The following SHOC1 variants were observed in gnomAD, a reference collection of about 807,000 sequenced individuals.
SHOC1 encodes the protein shortage in chiasmata 1, also known as protein shortage in chiasmata 1 ortholog.
A neutral mutation model predicts 179.2 loss-of-function variants in SHOC1; 136 were observed. The ratio of observed to expected loss-of-function variants is 0.76; its 90% CI spans 0.66 to 0.87. The LOEUF is 0.87. Ranked by LOEUF, SHOC1 falls within the 40% of genes least tolerant of loss-of-function variation. The pLI is 0.00. For missense variants in SHOC1, 1,538 were observed against 1,700.8 expected, an observed-to-expected ratio of 0.90 and a Z score of 1.68; for synonymous variants, 489 against 586.6, an observed-to-expected ratio of 0.83 and a Z score of 2.41.
chr9:111,698,717 G>A (rs566577981), intron 24 of SHOC1, among the ~76,000 whole-genome samples: 8 of 152,272 alleles, frequency 5.3e-5, no homozygotes, highest in East Asian at 1.9e-4. Context: ...TAAGAGAATC[G>A]GGGAATAGTA....
intron 14 of SHOC1, among the ~76,000 whole-genome samples, chr9:111,723,253 G>T (rs1053523318): frequency 6.6e-6 from 1 of 152,196 alleles, no homozygotes; most frequent in Non-Finnish European, 1.5e-5. Context: ...ATTATTTAAA[G>T]ATTTGCATAA....
intron 13 of SHOC1, among the ~76,000 whole-genome samples, chr9:111,726,454 G>A (rs1833294454): frequency 6.6e-6 from 1 of 152,188 alleles, no homozygotes; most frequent in East Asian, 1.9e-4. Flanking sequence ...TTAGAGATGC[G>A]GTCTCATTAT....
In SHOC1 at chr9:111,692,129, G is replaced by GAGTT; in HGVS notation, c.3844_3847dup (p.Ser1283Ter). ...CTCTGAATCACTGTGGTTTAGAAAG[G>GAGTT]AGTTATAAGCCGGTCTCCTTGATTC... On this transcript the variant is annotated stop_gained and frameshift_variant, in exon 27 of 28. Transcript: ENST00000682961. LOFTEE classifies it high-confidence loss of function. 1 of 1,613,646 alleles carries GAGTT rather than the reference G, an allele frequency of 6.2e-7. No individual in the cohort carries two copies. The highest frequency in any genetic ancestry group is 1.1e-5 in the South Asian group (1 of 91,020).
chr9:111,694,386 A>G, intron 24 of SHOC1, 24 bp from the exon 25 acceptor site: 1 of 1,549,280 alleles, frequency 6.5e-7, no homozygotes, highest in Non-Finnish European at 8.8e-7. Context: ...TTTATGTTAG[A>G]TTATAGGAAA....
chr9:111,704,359 A>C (rs1832145564), intron 21 of SHOC1, among the ~76,000 whole-genome samples: 1 of 152,178 alleles, frequency 6.6e-6, no homozygotes, highest in Non-Finnish European at 1.5e-5. Context: ...AAAATGGCTT[A>C]CATTTTAAGC....
intron 8 of SHOC1, among the ~76,000 whole-genome samples, 155 bp downstream of exon 8, chr9:111,756,170 A>G (rs1477504672): frequency 1.3e-5 from 2 of 152,172 alleles, no homozygotes; most frequent in Admixed American, 1.3e-4. Flanking sequence ...TGAGAAAATA[A>G]TCTCATCAAA....
At chr9:111,790,330 C>G (rs949965760) in intron 2 of SHOC1, among the ~76,000 whole-genome samples, 2 of 152,076 alleles carry the variant, frequency 1.3e-5, no homozygotes, top group Non-Finnish European at 2.9e-5. Flanking sequence ...ATCAGAAGGG[C>G]AAAGTATCTG....
rs769266659 is a variant in SHOC1 at position 111,769,986 on chromosome 9, GT to G, written c.442+5804del. On this transcript the variant is annotated intron_variant, in intron 5 of 27. Coordinates refer to ENST00000682961, the MANE Select transcript of SHOC1 (RefSeq NM_001378211.1). Reference sequence around the variant, plus strand: ...AGGTTTTATCTTCTGTTTTTTTTTTGTTTTTTTTTTTTTTTTTTTTTTAGTC... The same window carrying G: ...AGGTTTTATCTTCTGTTTTTTTTTTGTTTTTTTTTTTTTTTTTTTTTAGTC... 1.7e-4 allele frequency among the ~76,000 whole-genome samples: 13 copies of G among 77,632 alleles called. 1 individual carries two copies. Among genetic ancestry groups the G allele is most frequent in the African/African-American group, 4.6e-4 (7 of 15,212 alleles). The allele number at this position is 77,632 out of a possible 152,430, so 50.9% of individuals were successfully genotyped here.
Position 111,700,066 on chromosome 9 carries a change from C to A in SHOC1, c.3090-19G>T. 2.4e-5 allele frequency: 28 copies of A among 1,146,368 alleles called. No homozygotes were observed. Among genetic ancestry groups the A allele is most frequent in the Non-Finnish European group, 3.3e-5 (26 of 777,082 alleles). 71.0% of individuals were successfully genotyped at this position (1,146,368 alleles called of 1,614,324 possible). A position where few individuals can be genotyped will look rare whatever the true frequency, so the allele number is the denominator to read the frequency against. ...CAGATACCTACAAAGAATTATATTA[C>A]TATATTTCTATTCATTTGATATCAG... On this transcript the variant is annotated intron_variant, in intron 23 of 27. Transcript: ENST00000682961.
In SHOC1 at chr9:111,686,843, A is replaced by C. The variant is rs1427625062; in HGVS notation, c.4454T>G (p.Phe1485Cys). Reference sequence around the variant, plus strand: ...TTCATATGCTAGACGTCGTTTTTTGAATTGTGGTAGTTGTGAGCACATAAA... The same window carrying C: ...TTCATATGCTAGACGTCGTTTTTTGCATTGTGGTAGTTGTGAGCACATAAA... ...TGFMCSQLPQ[F>C]KKRRLAYEKV... Residue 1485 changes from phenylalanine to cysteine, a missense_variant, in exon 28 of 28, where the codon TTC becomes TGC. Phe to Cys is a radical substitution (Grantham distance 205). Coordinates refer to ENST00000682961, the MANE Select transcript of SHOC1 (RefSeq NM_001378211.1). 1.9e-6 allele frequency: 3 copies of C among 1,612,948 alleles called. No homozygotes were observed. The South Asian group carries it at 3.3e-5, about 18-fold the overall frequency.
chr9:111,707,847 A>G lies in SHOC1; in HGVS notation c.2558+8T>C, dbSNP rs12683681. ...TTGTTCCTCACAGATGAAGGAATGA[A>G]TTTTTACCCCCTTAAAACACCTTCA... On this transcript the variant is annotated splice_region_variant and intron_variant, in intron 19 of 27. Transcript: ENST00000682961. 0.043 allele frequency: 66,453 copies of G among 1,550,706 alleles called. 2,019 individuals are homozygous for G. The highest frequency in any genetic ancestry group is 0.13 in the East Asian group (5,540 of 42,922).
chr9:111,718,054 G>T, intron 16 of SHOC1, 130 bp downstream of exon 16: 1 of 560,224 alleles, frequency 1.8e-6, no homozygotes, highest in Non-Finnish European at 3.0e-6. Context: ...CAAAATGTAT[G>T]TAATGCTTAG....
intron 5 of SHOC1, among the ~76,000 whole-genome samples, chr9:111,775,078 C>T (rs1835779168): frequency 6.6e-6 from 1 of 151,994 alleles, no homozygotes; most frequent in African/African-American, 2.4e-5. Context: ...TCACTGTAAC[C>T]TCCGTCCCCT....
In SHOC1 at chr9:111,692,504, C is replaced by A; in HGVS notation, c.3473G>T (p.Cys1158Phe). The change falls in exon 27 of 28, where the codon TGT (cysteine) becomes TTT (phenylalanine). Residue 1158 changes from cysteine to phenylalanine, a missense_variant. Transcript: ENST00000682961. ...EVPEKVLKHF[C>F]SITSLFKIGS... ...AATCTTGAATAGGGAAGTGATGCTACAAAAATGCTAAAAAATGAATTAATA... is the reference window on the plus strand; with the variant it reads ...AATCTTGAATAGGGAAGTGATGCTAAAAAAATGCTAAAAAATGAATTAATA... 6.5e-7 allele frequency: 1 copy of A among 1,550,126 alleles called. No individual in the cohort carries two copies. The highest frequency in any genetic ancestry group is 1.2e-5 in the South Asian group (1 of 82,596).
At chr9:111,712,907 A>T (rs1832619630) in intron 18 of SHOC1, among the ~76,000 whole-genome samples, 193 bp downstream of exon 18, 1 of 152,308 alleles carries the variant, frequency 6.6e-6, no homozygotes, top group Admixed American at 6.5e-5. Flanking sequence ...AACACCTTGT[A>T]GTGTATTTGT....
chr9:111,695,267 G>C (rs1413009385), intron 24 of SHOC1, among the ~76,000 whole-genome samples: 1 of 151,998 alleles, frequency 6.6e-6, no homozygotes, highest in East Asian at 1.9e-4. Flanking sequence ...GTAAACTGTA[G>C]AAATCTCACA....
chr9:111,746,220 T>C lies in SHOC1; in HGVS notation c.1079+14A>G. Reference sequence around the variant, plus strand: ...TGAATTGCAACATGGGTTCTAGATATAATCTTTACTTACATTTTACAAACC... The same window carrying C: ...TGAATTGCAACATGGGTTCTAGATACAATCTTTACTTACATTTTACAAACC... On this transcript the variant is annotated intron_variant, in intron 10 of 27. Transcript: ENST00000682961. 1 of 1,506,142 alleles carries C rather than the reference T, an allele frequency of 6.6e-7. No individual in the cohort carries two copies. The highest frequency in any genetic ancestry group is 9.2e-7 in the Non-Finnish European group (1 of 1,082,732). The allele number at this position is 1,506,142 out of a possible 1,614,324, so 93.3% of individuals were successfully genotyped here. A position where few individuals can be genotyped will look rare whatever the true frequency, so the allele number is the denominator to read the frequency against.
intron 5 of SHOC1, among the ~76,000 whole-genome samples, chr9:111,772,065 T>A (rs1835630555): frequency 6.6e-6 from 1 of 152,156 alleles, no homozygotes; most frequent in Non-Finnish European, 1.5e-5. Context: ...ATTTTCTATA[T>A]CTTGTAGGCA....
intron 3 of SHOC1, among the ~76,000 whole-genome samples, chr9:111,784,883 G>A (rs142798854): frequency 6.6e-6 from 1 of 152,088 alleles, no homozygotes; most frequent in Non-Finnish European, 1.5e-5. Context: ...CCTTTCATGA[G>A]GACTCCATCC....
Sources: allele counts gnomAD v4.1 joint callset (sites outside exome capture counted in the v4.1 genomes callset), GRCh38; gene constraint gnomAD v4.1.1; transcripts MANE v1.5; gene names NCBI Gene and HGNC (gene_info 2026-07-23, HGNC 2026-07-21).